The following FTO variants were observed in gnomAD, a reference collection of about 807,000 sequenced individuals.
FTO encodes the protein alpha-ketoglutarate-dependent dioxygenase FTO.
In FTO, 47 loss-of-function variants were observed where a neutral mutation model predicts 63.9. The observed-to-expected ratio is 0.74, with a 90% CI of 0.58 to 0.94. FTO has a LOEUF of 0.94. Ranked by LOEUF, FTO falls within the 40% of genes least tolerant of loss-of-function variation. The probability of loss-of-function intolerance (pLI) is 0.00; values close to 1 mark genes in which losing one functional copy is unlikely to be tolerated. For missense variants in FTO, 562 were observed against 618.1 expected, an observed-to-expected ratio of 0.91 and a Z score of 0.96; for synonymous variants, 207 against 224.4, an observed-to-expected ratio of 0.92 and a Z score of 0.69.
chr16:54,051,553 A>G (rs953907835), intron 8 of FTO, among the ~76,000 whole-genome samples: 13 of 152,218 alleles, frequency 8.5e-5, no homozygotes, highest in African/African-American at 3.1e-4. Flanking sequence ...TGGCATCCCA[A>G]TACAGTTGGT....
chr16:53,804,987 C>G (rs917321909), intron 1 of FTO, among the ~76,000 whole-genome samples: 6 of 152,148 alleles, frequency 3.9e-5, no homozygotes, highest in Non-Finnish European at 7.4e-5. Flanking sequence ...AGGACTAGGT[C>G]ATTTTCCCAC....
intron 7 of FTO, among the ~76,000 whole-genome samples, chr16:53,889,830 A>G (rs1475805367): frequency 1.3e-5 from 2 of 148,298 alleles, no homozygotes. Context: ...TTTAAATAAT[A>G]GTAATAATAA....
chr16:53,994,994 C>T (rs2083902540), intron 8 of FTO, among the ~76,000 whole-genome samples: 1 of 152,114 alleles, frequency 6.6e-6, no homozygotes. Context: ...TCGGCCTCCT[C>T]TTAAGAGGTA....
chr16:53,932,629 A>T (rs187067297), intron 7 of FTO, among the ~76,000 whole-genome samples: 1 of 152,250 alleles, frequency 6.6e-6, no homozygotes, highest in African/African-American at 2.4e-5. Flanking sequence ...ACCTCAAGCA[A>T]TCTGCCTGCC....
chr16:53,766,344 G>C (rs564836346), intron 1 of FTO, among the ~76,000 whole-genome samples: 2 of 152,176 alleles, frequency 1.3e-5, no homozygotes, highest in South Asian at 4.1e-4. Context: ...TCTCACCTTA[G>C]TCTCCTGAGT....
At chr16:53,815,229 T>G (rs1022054562) in intron 2 of FTO, among the ~76,000 whole-genome samples, 2 of 152,128 alleles carry the variant, frequency 1.3e-5, no homozygotes, top group Non-Finnish European at 2.9e-5. Context: ...CACTTACATT[T>G]TAATAAGGAT....
At chr16:53,922,201 T>C (rs751953021) in intron 7 of FTO, among the ~76,000 whole-genome samples, 7 of 152,240 alleles carry the variant, frequency 4.6e-5, no homozygotes, top group Non-Finnish European at 1.0e-4. Context: ...TTTCCTTTTT[T>C]TCCCCAAGAG....
chr16:53,970,325 C>G (rs1320375556), intron 8 of FTO, among the ~76,000 whole-genome samples: 1 of 152,074 alleles, frequency 6.6e-6, no homozygotes, highest in Non-Finnish European at 1.5e-5. Context: ...CGCGGTAGCT[C>G]AAGCCTGTAA....
intron 1 of FTO, among the ~76,000 whole-genome samples, chr16:53,706,992 T>A (rs970472218): frequency 1.2e-4 from 19 of 152,200 alleles, no homozygotes; most frequent in African/African-American, 4.3e-4. Flanking sequence ...TAGAATTGCT[T>A]AGTTATAGGG....
At chr16:53,729,760 C>T (rs2076232661) in intron 1 of FTO, among the ~76,000 whole-genome samples, 1 of 151,840 alleles carries the variant, frequency 6.6e-6, no homozygotes, top group Non-Finnish European at 1.5e-5. Context: ...TTTCTAGACT[C>T]TTCTCCTCCC....
intron 3 of FTO, among the ~76,000 whole-genome samples, chr16:53,839,460 C>T (rs574969098): frequency 2.6e-5 from 4 of 152,122 alleles, no homozygotes; most frequent in Non-Finnish European, 5.9e-5. Flanking sequence ...CTTTCCTCCT[C>T]CCTACACAGC....
At position 54,048,561 on chromosome 16, in the gene FTO, A is replaced by G. The variant is rs143451075; in HGVS notation, c.1365-63201A>G. Among the ~76,000 whole-genome samples, 815 of 152,340 alleles carry G rather than the reference A, an allele frequency of 5.3e-3. 2 individuals are homozygous for G. The highest frequency in any genetic ancestry group is 9.0e-3 in the Non-Finnish European group (614 of 68,032). On this transcript the variant is annotated intron_variant, in intron 8 of 8. Transcript: ENST00000471389. ...CAGAAAGAACAATTGGGTGAAGATC[A>G]CTTCAGGAAAAAGAAAAAAGCATAT...
intron 4 of FTO, among the ~76,000 whole-genome samples, chr16:53,852,491 G>A (rs1348208591): frequency 6.6e-6 from 1 of 152,150 alleles, no homozygotes; most frequent in Non-Finnish European, 1.5e-5. Context: ...ACTTTGACAT[G>A]ATTGAGGTTT....
chr16:53,876,169 C>T (rs1889424090), intron 5 of FTO, among the ~76,000 whole-genome samples: 1 of 152,144 alleles, frequency 6.6e-6, no homozygotes, highest in Middle Eastern at 3.2e-3. Context: ...CTCAGGCCAA[C>T]CAGCCCCTCA....
intron 3 of FTO, among the ~76,000 whole-genome samples, chr16:53,827,391 T>G (rs2079034854): frequency 6.6e-6 from 1 of 152,206 alleles, no homozygotes; most frequent in Non-Finnish European, 1.5e-5. Context: ...TTAGCTCTCC[T>G]GTCTGATTTA....
chr16:54,082,822 C>G (rs1453606569), intron 8 of FTO, among the ~76,000 whole-genome samples: 4 of 152,148 alleles, frequency 2.6e-5, no homozygotes, highest in Non-Finnish European at 5.9e-5. Context: ...AGAAGAAACC[C>G]TTTAAAAACA....
chr16:53,846,801 CAAAAAAAA>C (rs55982417), intron 4 of FTO, among the ~76,000 whole-genome samples: 189 of 106,884 alleles, frequency 1.8e-3, no homozygotes, highest in African/African-American at 5.1e-3. Flanking sequence ...GACTCAGTCT[CAAAAAAAA>C]AAAAAAAAAA....
chr16:53,751,660 A>C (rs1366302842), intron 1 of FTO, among the ~76,000 whole-genome samples: 1 of 152,144 alleles, frequency 6.6e-6, no homozygotes, highest in African/African-American at 2.4e-5. Context: ...ATCAGGAGTG[A>C]GGGCTGATCG....
chr16:53,748,598 G>T (rs1457205048), intron 1 of FTO, among the ~76,000 whole-genome samples: 19 of 152,014 alleles, frequency 1.2e-4, no homozygotes, highest in Admixed American at 1.2e-3. Context: ...GGGCCTACAG[G>T]TGTGCACCAC....
Sources: gnomAD v4.1 joint callset for allele counts (sites outside exome capture counted in the v4.1 genomes callset) on GRCh38, gnomAD v4.1.1 for gene constraint, MANE v1.5 for transcripts, NCBI Gene and HGNC (gene_info 2026-07-23, HGNC 2026-07-21) for gene names.